SEL1L: variants seen among roughly 807,000 people sequenced by gnomAD.
SEL1L encodes the protein protein sel-1 homolog 1.
SEL1L carries 52 observed loss-of-function variants against 109.8 expected under a neutral mutation model. The observed-to-expected ratio is 0.47, with a 90% confidence interval of 0.38 to 0.60. The LOEUF (loss-of-function observed/expected upper bound fraction) is 0.60, where lower values mean the gene tolerates loss of function less well. SEL1L is among the 20% of genes least tolerant of loss of function. The pLI, the probability that SEL1L is intolerant of heterozygous loss-of-function variation, is 0.00. For missense variants in SEL1L, 749 were observed against 962.2 expected (o/e 0.78, Z 2.93); for synonymous variants, 373 against 339.6 (o/e 1.10, Z -1.08).
intron 3 of SEL1L, among the ~76,000 whole-genome samples, chr14:81,525,187 G>A (rs1885064717): frequency 6.6e-6 from 1 of 152,122 alleles, no homozygotes; most frequent in Non-Finnish European, 1.5e-5. Flanking sequence ...GCAGAATGTT[G>A]ATGTTTATTG....
rs1903286632 is a variant in SEL1L at position 81,479,708 on chromosome 14, C to CA, written c.2078dup (p.Met693IlefsTer4). 6.2e-7 allele frequency: 1 copy of CA among 1,613,536 alleles called. No individual in the cohort carries two copies. Among genetic ancestry groups the CA allele is most frequent in the African/African-American group, 1.3e-5 (1 of 74,860 alleles). On this transcript the variant is annotated frameshift_variant, in exon 20 of 21. Transcript: ENST00000336735. LOFTEE classifies it high-confidence loss of function. ...GTGCATCTGGGCTGGCTTCAGCTGCCATGTCATAAAAACGTTTCGCAAGGT... is the reference window on the plus strand; with the variant it reads ...GTGCATCTGGGCTGGCTTCAGCTGCCAATGTCATAAAAACGTTTCGCAAGGT...
At chr14:81,485,851 G>T (rs1382764560) in intron 17 of SEL1L, 105 bp from the exon 18 acceptor site, 24 of 883,066 alleles carry the variant, frequency 2.7e-5, no homozygotes, top group Non-Finnish European at 4.3e-5. Context: ...AGTTAAACAA[G>T]AATTAGGATA....
chr14:81,498,257 A>C, intron 9 of SEL1L, 156 bp downstream of exon 9: 1 of 824,866 alleles, frequency 1.2e-6, no homozygotes, highest in Non-Finnish European at 1.8e-6. Context: ...AAATTATATA[A>C]AGAAAAAAGT....
chr14:81,479,501 C>G (rs1026870883), intron 20 of SEL1L, 111 bp downstream of exon 20: 2 of 1,104,688 alleles, frequency 1.8e-6, no homozygotes, highest in Admixed American at 5.2e-5. Context: ...GGAACACACC[C>G]GATACCTGCA....
chr14:81,506,393 G>A, intron 3 of SEL1L, 152 bp from the exon 4 acceptor site: 1 of 669,812 alleles, frequency 1.5e-6, no homozygotes, highest in Admixed American at 3.2e-5. Flanking sequence ...CAATGATTTT[G>A]ATTAGGGAGG....
At chr14:81,510,022 T>C (rs1212079577) in intron 3 of SEL1L, among the ~76,000 whole-genome samples, 2 of 151,814 alleles carry the variant, frequency 1.3e-5, no homozygotes, top group Non-Finnish European at 2.9e-5. Flanking sequence ...CCCTAGAGAG[T>C]AGTGAAGCCA....
intron 8 of SEL1L, chr14:81,499,242 A>T (rs1024739110): frequency 1.6e-6 from 2 of 1,230,542 alleles, no homozygotes; most frequent in Non-Finnish European, 2.0e-6. Flanking sequence ...CAGCCAAACT[A>T]ATCATTTTAA....
intron 17 of SEL1L, 37 bp downstream of exon 17, chr14:81,486,252 C>A (rs780354449): frequency 1.2e-6 from 2 of 1,604,190 alleles, no homozygotes; most frequent in East Asian, 2.2e-5. Context: ...TGAACTCGTA[C>A]ATTCTAAACC....
In SEL1L at chr14:81,479,733, T is replaced by C; in HGVS notation, c.2054A>G (p.His685Arg). The change falls in exon 20 of 21, where the codon CAC becomes CGC. Residue 685 changes from histidine (H) to arginine (R), a missense_variant. Around this residue, in one of 2 missense-constraint regions of SEL1L, gnomAD observed 383 missense variants for 562.5 expected, o/e 0.68. Coordinates refer to ENST00000336735, the MANE Select transcript of SEL1L (RefSeq NM_005065.6). ...CATGTCATAAAAACGTTTCGCAAGG[T>C]GAATATCCTATAATACAGGTAAGAA... ...EKGLGIKQDI[H>R]LAKRFYDMAA... 1 of 1,611,228 alleles carries C rather than the reference T, an allele frequency of 6.2e-7. No individual in the cohort carries two copies. The highest frequency in any genetic ancestry group is 1.7e-5 in the Admixed American group (1 of 59,122).
chr14:81,479,778 C>A, intron 19 of SEL1L, 38 bp from the exon 20 acceptor site: 2 of 1,535,772 alleles, frequency 1.3e-6, no homozygotes, highest in South Asian at 1.2e-5. Flanking sequence ...CATTTCTTGT[C>A]AAAATAAGTA....
intron 3 of SEL1L, among the ~76,000 whole-genome samples, chr14:81,512,609 A>C (rs1884530645): frequency 6.6e-6 from 1 of 152,242 alleles, no homozygotes; most frequent in Admixed American, 6.5e-5. Context: ...GGAGCTGAAC[A>C]GGAAGAAAGG....
At chr14:81,504,072 AT>A (rs1365780453) in intron 5 of SEL1L, 128 bp downstream of exon 5, 7 of 513,400 alleles carry the variant, frequency 1.4e-5, no homozygotes, top group Admixed American at 4.0e-5. Flanking sequence ...GTTATATTAC[AT>A]TTTTTTGTAA....
At chr14:81,479,858 C>A in intron 19 of SEL1L, 118 bp from the exon 20 acceptor site, 1 of 939,392 alleles carries the variant, frequency 1.1e-6, no homozygotes, top group Non-Finnish European at 1.5e-6. Flanking sequence ...ATGAGTTTCC[C>A]TCACCTAAAC....
intron 3 of SEL1L, 74 bp downstream of exon 3, chr14:81,526,659 C>T: frequency 9.3e-7 from 1 of 1,080,818 alleles, no homozygotes. Flanking sequence ...CTTCTTCAGC[C>T]TCTTTATTCA....
intron 2 of SEL1L, 85 bp from the exon 3 acceptor site, chr14:81,527,049 A>T (rs1885141354): frequency 1.1e-6 from 1 of 940,890 alleles, no homozygotes; most frequent in African/African-American, 1.6e-5. Flanking sequence ...TAATCCAGAT[A>T]TCACATCTCC....
intron 1 of SEL1L, among the ~76,000 whole-genome samples, chr14:81,532,458 T>G (rs985490910): frequency 2.0e-5 from 3 of 152,112 alleles, no homozygotes; most frequent in Admixed American, 1.3e-4. Flanking sequence ...GCTTCGAGAG[T>G]TAAGTATAGT....
At position 81,486,189 on chromosome 14, in the gene SEL1L, A is replaced by G. The variant is rs913508877; in HGVS notation, c.1798+100T>C. The G allele has an allele frequency of 2.5e-5, 28 of 1,138,592 alleles. No homozygotes were observed. In the South Asian group the frequency reaches 4.2e-4, roughly 17 times the overall value. 70.5% of individuals were successfully genotyped at this position (1,138,592 alleles called of 1,614,324 possible). A position where few individuals can be genotyped will look rare whatever the true frequency, so the allele number is the denominator to read the frequency against. ...TGTTCAGTTCCAGTTACAATAATAAAGAATGTTTCCTAGTAGCTTTTCTTT... is the reference window on the plus strand; with the variant it reads ...TGTTCAGTTCCAGTTACAATAATAAGGAATGTTTCCTAGTAGCTTTTCTTT... On this transcript the variant is annotated intron_variant, in intron 17 of 20. Transcript: ENST00000336735.
rs981826208 is a variant in SEL1L at position 81,502,656 on chromosome 14, G to A, written c.777+65C>T. ...TTTAAAAGAAGTCAGGACATAGAGA[G>A]TAAACTGCTTTTAAAACTAACAAGT... On this transcript the variant is annotated intron_variant, in intron 6 of 20. Coordinates refer to ENST00000336735, the MANE Select transcript of SEL1L (RefSeq NM_005065.6). 11 of 1,513,866 alleles carry A rather than the reference G, an allele frequency of 7.3e-6. No homozygotes were observed. The African/African-American group carries it at 1.4e-4, about 19-fold the overall frequency. 93.8% of individuals were successfully genotyped at this position (1,513,866 alleles called of 1,614,324 possible).
intron 14 of SEL1L, 114 bp from the exon 15 acceptor site, chr14:81,488,056 C>A: frequency 1.4e-6 from 1 of 734,970 alleles, no homozygotes; most frequent in Non-Finnish European, 2.2e-6. Context: ...CCCAAAGAGC[C>A]ATTAAAAAGA....
Sources: gnomAD v4.1 joint callset for allele counts (sites outside exome capture counted in the v4.1 genomes callset) on GRCh38, gnomAD v4.1.1 for gene constraint, gnomAD v4.1.1 regional missense constraint, MANE v1.5 for transcripts, NCBI Gene and HGNC (gene_info 2026-07-23, HGNC 2026-07-21) for gene names.